KCNN2: variants seen among roughly 807,000 people sequenced by gnomAD.
KCNN2 encodes the protein potassium calcium-activated channel subfamily N member 2.
KCNN2 carries 24 observed loss-of-function variants against 55.5 expected under a neutral mutation model. The observed-to-expected ratio is 0.43, with a 90% CI of 0.31 to 0.61. The LOEUF (loss-of-function observed/expected upper bound fraction) is 0.61, where lower values mean the gene tolerates loss of function less well. KCNN2 is among the 20% of genes least tolerant of loss of function. The pLI, the probability that KCNN2 is intolerant of heterozygous loss-of-function variation, is 0.08. For missense variants in KCNN2, 754 were observed against 853.6 expected (o/e 0.88, Z 1.45); for synonymous variants, 431 against 336.1 (o/e 1.28, Z -3.09).
chr5:114,320,978 C>G (rs939195937), intron 2 of KCNN2, among the ~76,000 whole-genome samples: 2 of 152,130 alleles, frequency 1.3e-5, no homozygotes, highest in Non-Finnish European at 2.9e-5. Flanking sequence ...TGATGGAATG[C>G]GAAAGGCTCC....
At chr5:114,072,174 C>G (rs1242768101) in intron 1 of KCNN2, among the ~76,000 whole-genome samples, 1 of 152,082 alleles carries the variant, frequency 6.6e-6, no homozygotes, top group Non-Finnish European at 1.5e-5. Flanking sequence ...TGCCTGTAGT[C>G]CCAGCTATTT....
intron 1 of KCNN2, among the ~76,000 whole-genome samples, chr5:114,058,147 C>G (rs1337756621): frequency 1.3e-5 from 2 of 152,072 alleles, no homozygotes; most frequent in Non-Finnish European, 2.9e-5. Context: ...CCTGGAGGGA[C>G]CACCAAGGCC....
chr5:114,393,715 A>C (rs566268053), intron 2 of KCNN2, among the ~76,000 whole-genome samples: 1 of 152,174 alleles, frequency 6.6e-6, no homozygotes, highest in African/African-American at 2.4e-5. Flanking sequence ...CTTTATGCAC[A>C]TACAAATACA....
intron 1 of KCNN2, among the ~76,000 whole-genome samples, chr5:114,159,684 T>C (rs1752722660): frequency 6.6e-6 from 1 of 152,196 alleles, no homozygotes; most frequent in African/African-American, 2.4e-5. Flanking sequence ...TTTCAGAGCC[T>C]GTTATTGGTC....
At chr5:114,102,712 G>A (rs1484850234) in intron 1 of KCNN2, among the ~76,000 whole-genome samples, 11 of 152,084 alleles carry the variant, frequency 7.2e-5, no homozygotes, top group Non-Finnish European at 1.6e-4. Flanking sequence ...CCCATTGCTT[G>A]TTTTTGTCAA....
chr5:114,135,178 C>G (rs926132814), intron 1 of KCNN2, among the ~76,000 whole-genome samples: 1 of 151,540 alleles, frequency 6.6e-6, no homozygotes, highest in East Asian at 2.0e-4. Flanking sequence ...CAGAAGGTCC[C>G]CAGAATGCTC....
At chr5:114,455,549 T>C (rs1162005133) in intron 3 of KCNN2, among the ~76,000 whole-genome samples, 2 of 152,230 alleles carry the variant, frequency 1.3e-5, no homozygotes, top group Non-Finnish European at 2.9e-5. Context: ...CTTCCAAGTG[T>C]TCACGTGACA....
intron 1 of KCNN2, among the ~76,000 whole-genome samples, chr5:114,202,581 A>ATTT (rs1184272820): frequency 1.3e-3 from 88 of 69,452 alleles, no homozygotes; most frequent in African/African-American, 5.1e-3. Flanking sequence ...ATATATATAT[A>ATTT]TATATTTTTT....
At position 114,428,695 on chromosome 5, in the gene KCNN2, T is replaced by A. The variant is rs1331769935; in HGVS notation, c.1637+23839T>A. Among the ~76,000 whole-genome samples the A allele has an allele frequency of 4.6e-5, 7 of 152,252 alleles. No individual in the cohort carries two copies. In the East Asian group the frequency reaches 1.3e-3, roughly 29 times the overall value. ...TGAATATATCCACTGCCCTAAAAAG[T>A]CTCATCAGTCTACCTATTAATCCCT... On this transcript the variant is annotated intron_variant, in intron 3 of 7. Transcript: ENST00000673685.
chr5:114,382,917 A>G (rs951393464), intron 2 of KCNN2, among the ~76,000 whole-genome samples: 2 of 152,232 alleles, frequency 1.3e-5, no homozygotes, highest in East Asian at 3.8e-4. Flanking sequence ...CCTAGTTTAC[A>G]AAATTGTTTC....
At chr5:114,219,531 G>T (rs1332013543) in intron 1 of KCNN2, among the ~76,000 whole-genome samples, 1 of 152,142 alleles carries the variant, frequency 6.6e-6, no homozygotes, top group African/African-American at 2.4e-5. Flanking sequence ...AAACTGTCAA[G>T]GTGTCCCTCT....
chr5:114,456,254 C>G (rs1275325831), intron 3 of KCNN2, among the ~76,000 whole-genome samples: 1 of 152,136 alleles, frequency 6.6e-6, no homozygotes, highest in Non-Finnish European at 1.5e-5. Context: ...GCTGAAAAAC[C>G]TAGGGCCGTT....
intron 1 of KCNN2, among the ~76,000 whole-genome samples, chr5:114,121,985 G>A (rs1217492825): frequency 6.6e-6 from 1 of 152,194 alleles, no homozygotes; most frequent in Non-Finnish European, 1.5e-5. Context: ...ATTTTGAAGA[G>A]TAAATTTAAC....
At chr5:114,416,556 T>C (rs1406449195) in intron 3 of KCNN2, among the ~76,000 whole-genome samples, 1 of 152,120 alleles carries the variant, frequency 6.6e-6, no homozygotes, top group Admixed American at 6.5e-5. Flanking sequence ...GTACAGGTCA[T>C]AGGGATGTGG....
chr5:114,403,967 C>G (rs1758863645), intron 2 of KCNN2, among the ~76,000 whole-genome samples: 1 of 152,182 alleles, frequency 6.6e-6, no homozygotes, highest in Admixed American at 6.5e-5. Context: ...AATAAGATTT[C>G]CTGTAAGAAC....
chr5:114,371,271 G>A (rs749549603), intron 2 of KCNN2, among the ~76,000 whole-genome samples: 2 of 152,088 alleles, frequency 1.3e-5, no homozygotes, highest in African/African-American at 2.4e-5. Context: ...AGTCTGTACC[G>A]GATATTTAAA....
At chr5:114,089,614 G>A (rs1030483735) in intron 1 of KCNN2, among the ~76,000 whole-genome samples, 6 of 152,192 alleles carry the variant, frequency 3.9e-5, no homozygotes, top group African/African-American at 1.2e-4. Context: ...AATTCCAGCT[G>A]CCTGTGCCCC....
intron 1 of KCNN2, among the ~76,000 whole-genome samples, chr5:114,132,375 T>A (rs1752088637): frequency 6.6e-6 from 1 of 152,182 alleles, no homozygotes; most frequent in Non-Finnish European, 1.5e-5. Context: ...CAGCTCCATT[T>A]ATGAAATAGG....
At chr5:114,459,921 G>GTCTA (rs372326830) in intron 3 of KCNN2, among the ~76,000 whole-genome samples, 6 of 152,266 alleles carry the variant, frequency 3.9e-5, no homozygotes, top group South Asian at 4.2e-4. Flanking sequence ...GAAGAAATTT[G>GTCTA]TCTATCTAAG....
Sources: gnomAD v4.1 joint callset for allele counts (sites outside exome capture counted in the v4.1 genomes callset) on GRCh38, gnomAD v4.1.1 for gene constraint, MANE v1.5 for transcripts, NCBI Gene and HGNC (gene_info 2026-07-23, HGNC 2026-07-21) for gene names.